Variants in ZNF544 observed in about 807,000 individuals in gnomAD.
ZNF544 encodes zinc finger protein 544.
A neutral mutation model predicts 13.5 loss-of-function variants in ZNF544; 10 were observed. The ratio of observed to expected loss-of-function variants is 0.74; its 90% CI spans 0.46 to 1.25. The LOEUF is 1.25. Among genes scored for constraint, ZNF544 ranks in the 50% most tolerant of loss-of-function variants. The pLI is 0.00. For synonymous variants in ZNF544, 323 were observed against 300.5 expected, an observed-to-expected ratio of 1.07 and a Z score of -0.77; for missense variants, 896 against 845.6, an observed-to-expected ratio of 1.06 and a Z score of -0.74.
intron 1 of ZNF544, chr19:58,229,183 C>G (rs548107236): frequency 1.3e-5 from 2 of 152,300 alleles, no homozygotes; most frequent in Non-Finnish European, 2.9e-5. Flanking sequence ...CCTGCAGGAG[C>G]GCCCGGCTGG....
chr19:58,268,058 G>A (rs1234478535), downstream of ZNF544, among the ~76,000 whole-genome samples: 1 of 152,104 alleles, frequency 6.6e-6, no homozygotes, highest in Non-Finnish European at 1.5e-5. Context: ...CCAACACTTT[G>A]GGAGGCCGAG....
At chr19:58,276,103 G>A (rs1017704478) in intron 5 of ZNF544, among the ~76,000 whole-genome samples, 5 of 152,062 alleles carry the variant, frequency 3.3e-5, no homozygotes, top group Non-Finnish European at 5.9e-5. Context: ...CTTGAGCCTG[G>A]GAAGTGGAGG....
At chr19:58,268,448 C>T (rs144391008), downstream of ZNF544, among the ~76,000 whole-genome samples, 945 of 152,336 alleles carry the variant, frequency 6.2e-3, 5 homozygotes, top group Non-Finnish European at 8.9e-3. Context: ...TTGCCTGGTG[C>T]TGCAAAGAAA....
intron 6 of ZNF544, chr19:58,259,821 G>T (rs1420781175): frequency 6.6e-6 from 1 of 152,232 alleles, no homozygotes; most frequent in East Asian, 1.9e-4. Context: ...GGCTGAGGCA[G>T]GAGGATCACT....
In ZNF544 at chr19:58,277,242, GCCAGC is replaced by G; in HGVS notation, c.412_416del (p.Pro138LeufsTer11). On this transcript the variant is annotated frameshift_variant, in exon 7 of 7. Transcript: ENST00000595981. LOFTEE classifies it high-confidence loss of function. Reference sequence around the variant, plus strand: ...GGCCAGAAGGATCTGAGAGAGTGTGGCCAGCTTGAGCCCTCAGGAGTCGGCCAGAA... The same window carrying G: ...GGCCAGAAGGATCTGAGAGAGTGTGGTTGAGCCCTCAGGAGTCGGCCAGAA... The G allele has an allele frequency of 1.5e-6, 1 of 668,438 alleles. No homozygotes were observed. Among genetic ancestry groups the G allele is most frequent in the Non-Finnish European group, 1.7e-6 (1 of 585,220 alleles). 41.4% of individuals were successfully genotyped at this position (668,438 alleles called of 1,614,324 possible).
In ZNF544 at chr19:58,261,029, GTTCA is replaced by G. The variant is rs777413547; in HGVS notation, c.425_428del (p.Phe142TrpfsTer29). On this transcript the variant is annotated frameshift_variant, in exon 7 of 7. Coordinates refer to ENST00000687789, the MANE Select transcript of ZNF544 (RefSeq NM_014480.4). LOFTEE classifies it low-confidence loss of function (END_TRUNC). ...GGGAACACCAGGAGAACTCCTTGAG[GTTCA>G]TGGTACTCACCTCAGAGAGACTGTT... 6.2e-7 allele frequency: 1 copy of G among 1,614,196 alleles called. No individual in the cohort carries two copies. The highest frequency in any genetic ancestry group is 1.7e-5 in the Admixed American group (1 of 60,020).
intron 3 of ZNF544, among the ~76,000 whole-genome samples, chr19:58,234,113 C>T (rs187248816): frequency 1.8e-4 from 27 of 152,284 alleles, no homozygotes; most frequent in African/African-American, 6.3e-4. Context: ...CCCCACAGTC[C>T]ACTCTCCAGC....
chr19:58,258,829 C>G (rs938759277), intron 6 of ZNF544: 5 of 152,068 alleles, frequency 3.3e-5, no homozygotes, highest in Admixed American at 2.6e-4. Context: ...GTAGTGTTGA[C>G]CGTGGTGGCC....
At chr19:58,242,558 G>T (rs2044127241) in intron 3 of ZNF544, among the ~76,000 whole-genome samples, 2 of 151,490 alleles carry the variant, frequency 1.3e-5, no homozygotes, top group South Asian at 2.1e-4. Context: ...CTGTTGCCCA[G>T]GCTGGAGTCC....
Position 58,262,312 on chromosome 19 carries a change from T to C in ZNF544, c.1706T>C (p.Ile569Thr). 6.2e-7 allele frequency: 1 copy of C among 1,613,682 alleles called. No homozygotes were observed. The highest frequency in any genetic ancestry group is 8.5e-7 in the Non-Finnish European group (1 of 1,179,972). ...WNSNLVIHQR[I>T]HTGEKPYDCT... The stretch of plus-strand genomic sequence containing the variant: ...TCTAACCTCGTCATACATCAGAGAA[T>C]TCATACTGGAGAGAAACCGTACGAT... The change falls in exon 7 of 7, where the codon ATT becomes ACT. Residue 569 changes from isoleucine to threonine, a missense_variant. By Grantham distance (89) the Ile-to-Thr change is moderately conservative. Coordinates refer to ENST00000687789, the MANE Select transcript of ZNF544 (RefSeq NM_014480.4).
chr19:58,260,771 A>G, intron 6 of ZNF544, 80 bp from the exon 7 acceptor site: 1 of 1,287,628 alleles, frequency 7.8e-7, no homozygotes, highest in Non-Finnish European at 1.0e-6. Flanking sequence ...CTTCCATTAA[A>G]CAGTTGTCTC....
intron 6 of ZNF544, chr19:58,258,557 AGG>A (rs2048178612): frequency 5.6e-5 from 2 of 35,800 alleles, no homozygotes; most frequent in Admixed American, 3.0e-4. Context: ...TGAGGGCACC[AGG>A]TGTGAGGGTG....
intron 5 of ZNF544, among the ~76,000 whole-genome samples, chr19:58,269,253 TG>T (rs2050308056): frequency 6.7e-6 from 1 of 149,488 alleles, no homozygotes; most frequent in Admixed American, 6.6e-5. Flanking sequence ...TGGCCGACAT[TG>T]TGAAACCTCA....
chr19:58,262,153 G>C lies in ZNF544; in HGVS notation c.1547G>C (p.Gly516Ala). ...GTTGTACATCAGAGGACACACACTG[G>C]AGAGAAGCCCTATGAGTGCAACCTG... ...DLVVHQRTHTGEKPYECNLCG... is the reference protein window; with the variant it reads ...DLVVHQRTHTAEKPYECNLCG... Residue 516 changes from glycine to alanine, a missense_variant, in exon 7 of 7, where the codon GGA (glycine) becomes GCA (alanine). Coordinates refer to ENST00000687789, the MANE Select transcript of ZNF544 (RefSeq NM_014480.4). The C allele has an allele frequency of 6.2e-7, 1 of 1,613,492 alleles. No homozygotes were observed. The highest frequency in any genetic ancestry group is 8.5e-7 in the Non-Finnish European group (1 of 1,179,928).
At chr19:58,254,432 G>A (rs935440474) in intron 6 of ZNF544, among the ~76,000 whole-genome samples, 1 of 152,186 alleles carries the variant, frequency 6.6e-6, no homozygotes, top group Non-Finnish European at 1.5e-5. Flanking sequence ...TGGAATAGAT[G>A]GAGTGTTTCC....
At chr19:58,266,642 A>G (rs748157506), downstream of ZNF544, 2 of 152,172 alleles carry the variant, frequency 1.3e-5, no homozygotes. Context: ...CAGCAGAGCC[A>G]TAGACTGATA....
chr19:58,231,228 G>A (rs1415496249), intron 3 of ZNF544, among the ~76,000 whole-genome samples: 2 of 152,180 alleles, frequency 1.3e-5, no homozygotes, highest in African/African-American at 2.4e-5. Context: ...TGTACCAGAC[G>A]GGGAGGCTGG....
downstream of ZNF544, among the ~76,000 whole-genome samples, chr19:58,265,316 A>ATTT (rs71190016): frequency 2.0e-5 from 3 of 151,674 alleles, no homozygotes; most frequent in Non-Finnish European, 2.9e-5. Context: ...TTATTTATTT[A>ATTT]AGACAGTCTC....
At chr19:58,265,453 G>A (rs1402708793), downstream of ZNF544, among the ~76,000 whole-genome samples, 1 of 151,958 alleles carries the variant, frequency 6.6e-6, no homozygotes, top group African/African-American at 2.4e-5. Flanking sequence ...CCGTCACCAC[G>A]TCTGTCTAAT....
Sources: allele counts gnomAD v4.1 joint callset (sites outside exome capture counted in the v4.1 genomes callset), GRCh38; gene constraint gnomAD v4.1.1; transcripts MANE v1.5; gene names NCBI Gene and HGNC (gene_info 2026-07-23, HGNC 2026-07-21).